TMIGD1: variants seen among roughly 807,000 people sequenced by gnomAD.
TMIGD1 encodes transmembrane and immunoglobulin domain containing 1.
In TMIGD1, 29 loss-of-function variants were observed where a neutral mutation model predicts 27.5. That is an observed-to-expected ratio of 1.05 (90% confidence interval 0.78 to 1.44). The LOEUF (loss-of-function observed/expected upper bound fraction) is 1.44, where lower values mean the gene tolerates loss of function less well. Among genes scored for constraint, TMIGD1 ranks in the 40% most tolerant of loss-of-function variants. The probability of loss-of-function intolerance (pLI) is 0.00; values close to 1 mark genes in which losing one functional copy is unlikely to be tolerated. For missense variants in TMIGD1, 334 were observed against 310.6 expected, an observed-to-expected ratio of 1.08 and a Z score of -0.57; for synonymous variants, 109 against 110.3, an observed-to-expected ratio of 0.99 and a Z score of 0.07.
At chr17:30,331,804 G>T (rs1229674287) in intron 2 of TMIGD1, among the ~76,000 whole-genome samples, 1 of 152,032 alleles carries the variant, frequency 6.6e-6, no homozygotes, top group African/African-American at 2.4e-5. Flanking sequence ...TAGCCAGGAT[G>T]GTCTCGATCT....
At chr17:30,327,681 T>C (rs1353490572) in intron 3 of TMIGD1, among the ~76,000 whole-genome samples, 3 of 151,932 alleles carry the variant, frequency 2.0e-5, no homozygotes, top group Admixed American at 6.6e-5. Context: ...AGCCTCAGCC[T>C]CCCGAGCAGC....
At chr17:30,333,723 A>G (rs895961677) in intron 1 of TMIGD1, among the ~76,000 whole-genome samples, 4 of 152,118 alleles carry the variant, frequency 2.6e-5, no homozygotes, top group African/African-American at 7.2e-5. Flanking sequence ...ATATTTGCCA[A>G]AAAGATTTCT....
intron 1 of TMIGD1, among the ~76,000 whole-genome samples, chr17:30,332,758 C>G (rs1910020708): frequency 6.6e-6 from 1 of 152,104 alleles, no homozygotes; most frequent in Non-Finnish European, 1.5e-5. Context: ...TTTCTCCCTT[C>G]TTGCTTTTGC....
At chr17:30,318,756 T>G (rs1334169600) in intron 5 of TMIGD1, 54 bp downstream of exon 5, 13 of 1,359,138 alleles carry the variant, frequency 9.6e-6, no homozygotes, top group Non-Finnish European at 1.3e-5. Context: ...TCTAGCTTTC[T>G]GCCTTTATTC....
intron 5 of TMIGD1, 122 bp from the exon 6 acceptor site, chr17:30,317,355 G>T: frequency 1.9e-6 from 2 of 1,057,378 alleles, no homozygotes; most frequent in East Asian, 2.5e-5. Context: ...ACTGGCTCAG[G>T]CGTCATTTTT....
At chr17:30,327,783 T>C (rs1393761540) in intron 3 of TMIGD1, among the ~76,000 whole-genome samples, 1 of 151,922 alleles carries the variant, frequency 6.6e-6, no homozygotes, top group East Asian at 1.9e-4. Flanking sequence ...TATGTTATGT[T>C]TGTAGAGATA....
chr17:30,332,060 T>C lies in TMIGD1; in HGVS notation c.74A>G (p.Glu25Gly). 1 of 1,610,154 alleles carries C rather than the reference T, an allele frequency of 6.2e-7. No homozygotes were observed. Among genetic ancestry groups the C allele is most frequent in the Non-Finnish European group, 8.5e-7 (1 of 1,177,826 alleles). Residue 25 changes from glutamate to glycine, a missense_variant, in exon 2 of 7, where the codon GAG (glutamate) becomes GGG (glycine). Glu to Gly is a moderately conservative substitution (Grantham distance 98, BLOSUM62 -2). Transcript: ENST00000328886. ...AAAGAACTTTAACTTACTTGTCATC[T>C]CACGTGGCAGAAATAAAATTACTAA... The part of the protein sequence containing the change: ...LLLVILFLPR[E>G]MTSSVLTVNG...
intron 3 of TMIGD1, among the ~76,000 whole-genome samples, chr17:30,327,544 TTTTTATTTTA>T (rs1237730606): frequency 1.3e-5 from 2 of 151,792 alleles, no homozygotes; most frequent in Admixed American, 1.3e-4. Flanking sequence ...CTTAGCTGGC[TTTTTATTTTA>T]TTTTATTTTA....
chr17:30,317,076 C>T lies in TMIGD1; in HGVS notation c.785+117G>A. On this transcript the variant is annotated intron_variant, in intron 6 of 6. Transcript: ENST00000328886. ...AGATTTTCCTCCACCTTCTATTCTC[C>T]TTTGAACCCCTTCCCCTTCCAGCAC... 4.8e-6 allele frequency: 6 copies of T among 1,239,366 alleles called. 1 individual carries two copies. In the South Asian group the frequency reaches 6.0e-5, roughly 12 times the overall value. The allele number at this position is 1,239,366 out of a possible 1,614,324, so 76.8% of individuals were successfully genotyped here.
chr17:30,319,130 G>A (rs1368057898), intron 4 of TMIGD1, among the ~76,000 whole-genome samples: 3 of 150,794 alleles, frequency 2.0e-5, no homozygotes, highest in South Asian at 2.1e-4. Flanking sequence ...TAGGCCGGGT[G>A]CAGTGGCTCA....
chr17:30,326,011 C>T (rs569961725), intron 3 of TMIGD1, among the ~76,000 whole-genome samples: 3 of 151,978 alleles, frequency 2.0e-5, no homozygotes, highest in Admixed American at 6.6e-5. Flanking sequence ...AAGATAGAGA[C>T]GGAGAAGGAG....
intron 2 of TMIGD1, among the ~76,000 whole-genome samples, chr17:30,330,498 C>A (rs922440602): frequency 6.6e-6 from 1 of 152,134 alleles, no homozygotes; most frequent in Non-Finnish European, 1.5e-5. Context: ...ACAAATGTAT[C>A]AAAATTGCAC....
chr17:30,319,886 C>T (rs1285552934), intron 4 of TMIGD1, among the ~76,000 whole-genome samples: 1 of 152,022 alleles, frequency 6.6e-6, no homozygotes, highest in Admixed American at 6.6e-5. Flanking sequence ...TGAGCCTTCC[C>T]AACCTTGGCA....
intron 3 of TMIGD1, among the ~76,000 whole-genome samples, chr17:30,326,864 C>T (rs920529170): frequency 6.6e-6 from 1 of 152,166 alleles, no homozygotes; most frequent in African/African-American, 2.4e-5. Context: ...TCTCCACATT[C>T]TCCCCCAAAC....
intron 4 of TMIGD1, among the ~76,000 whole-genome samples, chr17:30,323,660 G>A (rs1198499435): frequency 6.6e-6 from 1 of 152,056 alleles, no homozygotes; most frequent in Non-Finnish European, 1.5e-5. Context: ...TCTTAACCAG[G>A]AGGGATATAA....
At chr17:30,323,220 T>C (rs534138096) in intron 4 of TMIGD1, among the ~76,000 whole-genome samples, 1 of 152,254 alleles carries the variant, frequency 6.6e-6, no homozygotes, top group South Asian at 2.1e-4. Flanking sequence ...CAAGGGTAAT[T>C]ACATAACTGC....
chr17:30,317,795 T>C (rs1051613083), intron 5 of TMIGD1, among the ~76,000 whole-genome samples: 12 of 147,066 alleles, frequency 8.2e-5, no homozygotes, highest in African/African-American at 3.0e-4. Context: ...TGTGGCTGGG[T>C]GTGGTGGCTC....
At chr17:30,329,672 A>G in intron 2 of TMIGD1, 143 bp from the exon 3 acceptor site, 1 of 625,844 alleles carries the variant, frequency 1.6e-6, no homozygotes, top group Non-Finnish European at 2.7e-6. Flanking sequence ...ATTGATCTAT[A>G]TGATTTTATA....
Position 30,319,261 on chromosome 17 carries a change from A to AAAAAAAAAAAAATATATATAT in TMIGD1, c.641-349_641-348insATATATATATTTTTTTTTTTT. On this transcript the variant is annotated intron_variant, in intron 4 of 6. Coordinates refer to ENST00000328886, the MANE Select transcript of TMIGD1 (RefSeq NM_206832.3). Reference sequence around the variant, plus strand: ...TGTAAAAAAAAAAGAAAAAAAAAAAAATATATATATATATATAGCTGGGCA... The same window carrying AAAAAAAAAAAAATATATATAT: ...TGTAAAAAAAAAAGAAAAAAAAAAAAAAAAAAAAAAAATATATATATATATATATATATATATAGCTGGGCA... Among the ~76,000 whole-genome samples, 3 of 69,038 alleles carry AAAAAAAAAAAAATATATATAT rather than the reference A, an allele frequency of 4.3e-5. 1 individual carries two copies. The highest frequency in any genetic ancestry group is 2.9e-4 in the Admixed American group (2 of 6,838). 45.3% of individuals were successfully genotyped at this position (69,038 alleles called of 152,430 possible).
Sources: allele counts gnomAD v4.1 joint callset (sites outside exome capture counted in the v4.1 genomes callset), GRCh38; gene constraint gnomAD v4.1.1; transcripts MANE v1.5; gene names NCBI Gene and HGNC (gene_info 2026-07-23, HGNC 2026-07-21).